Variants in CERT1 observed in about 807,000 individuals in gnomAD.
The protein encoded by CERT1 is ceramide transfer protein.
In CERT1, 31 loss-of-function variants were observed where a neutral mutation model predicts 87.9. That is an observed-to-expected ratio of 0.35 (90% confidence interval 0.27 to 0.48). The LOEUF (loss-of-function observed/expected upper bound fraction) is 0.48, where lower values mean the gene tolerates loss of function less well. Ranked by LOEUF, CERT1 falls within the 20% of genes least tolerant of loss-of-function variation. CERT1 has a pLI of 0.99. For synonymous variants in CERT1, 289 were observed against 250.9 expected, an observed-to-expected ratio of 1.15 and a Z score of -1.44; for missense variants, 487 against 758.0, an observed-to-expected ratio of 0.64 and a Z score of 4.20.
chr5:75,417,081 T>A, intron 6 of CERT1, 48 bp from the exon 7 acceptor site: 1 of 1,351,464 alleles, frequency 7.4e-7, no homozygotes, highest in Admixed American at 2.0e-5. Flanking sequence ...GAGGAAATAA[T>A]TCATCACAAT....
chr5:75,384,665 T>C lies in CERT1; in HGVS notation c.1465A>G (p.Ile489Val), dbSNP rs139096937. The change falls in exon 14 of 17, where the codon ATC (isoleucine) becomes GTC (valine). Residue 489 changes from isoleucine (I) to valine (V), a missense_variant. Transcript: ENST00000643780. ...HVVETLADNAIIIYQTHKRVW... is the reference protein window; with the variant it reads ...HVVETLADNAVIIYQTHKRVW... ...ACCTTGTGTGTTTGATAAATGATGA[T>C]TGCATTATCAGCTAATGTTTCCACC... The C allele has an allele frequency of 1.6e-4, 254 of 1,606,710 alleles. No individual in the cohort carries two copies. The highest frequency in any genetic ancestry group is 1.3e-3 in the East Asian group (59 of 44,742).
intron 2 of CERT1, among the ~76,000 whole-genome samples, chr5:75,501,667 G>T (rs1209367951): frequency 1.3e-5 from 2 of 152,110 alleles, no homozygotes; most frequent in African/African-American, 4.8e-5. Flanking sequence ...ATGCCCAGAA[G>T]AGAGTCCAGA....
chr5:75,435,509 T>C (rs1463344185), intron 3 of CERT1, among the ~76,000 whole-genome samples: 3 of 152,186 alleles, frequency 2.0e-5, no homozygotes, highest in African/African-American at 7.2e-5. Context: ...ACTTTTAGAG[T>C]TGCTAGACTT....
At chr5:75,400,501 T>C (rs1464311231) in intron 9 of CERT1, 2 of 503,294 alleles carry the variant, frequency 4.0e-6, no homozygotes, top group Non-Finnish European at 7.1e-6. Context: ...TCTTTCTGAC[T>C]CCACAGATAC....
chr5:75,464,454 G>A (rs937011042), intron 2 of CERT1, among the ~76,000 whole-genome samples: 4 of 152,160 alleles, frequency 2.6e-5, no homozygotes, highest in Non-Finnish European at 5.9e-5. Context: ...TGGGGGATGC[G>A]GGTGAAGGCA....
At chr5:75,387,433 T>A (rs1761838497) in intron 12 of CERT1, among the ~76,000 whole-genome samples, 1 of 152,086 alleles carries the variant, frequency 6.6e-6, no homozygotes, top group African/African-American at 2.4e-5. Flanking sequence ...CCCTATCAGC[T>A]TGATCTTCTT....
chr5:75,500,998 T>C (rs1349753190), intron 2 of CERT1, among the ~76,000 whole-genome samples: 3 of 151,832 alleles, frequency 2.0e-5, no homozygotes, highest in African/African-American at 4.8e-5. Flanking sequence ...TTTTTTGTTT[T>C]TTTTTTTTGA....
At chr5:75,430,978 T>C (rs1388379834) in intron 3 of CERT1, among the ~76,000 whole-genome samples, 1 of 152,152 alleles carries the variant, frequency 6.6e-6, no homozygotes, top group Non-Finnish European at 1.5e-5. Context: ...AAGTTCGAGA[T>C]AGCACTGAGC....
intron 2 of CERT1, among the ~76,000 whole-genome samples, chr5:75,485,828 A>G (rs1766496428): frequency 6.6e-6 from 1 of 152,188 alleles, no homozygotes; most frequent in South Asian, 2.1e-4. Flanking sequence ...TAAAACCTTA[A>G]GAGACCAATA....
At chr5:75,382,660 G>A (rs16872536) in intron 14 of CERT1, among the ~76,000 whole-genome samples, 174 of 151,032 alleles carry the variant, frequency 1.2e-3, no homozygotes, top group Middle Eastern at 3.4e-3. Flanking sequence ...CTTTAAATGA[G>A]AAAAAAAACC....
intron 3 of CERT1, among the ~76,000 whole-genome samples, chr5:75,428,555 G>GT: frequency 6.6e-6 from 1 of 151,992 alleles, no homozygotes; most frequent in East Asian, 1.9e-4. Flanking sequence ...GCGGGCGCCT[G>GT]TAGTCCCAGC....
At chr5:75,484,949 G>T (rs1239894814) in intron 2 of CERT1, among the ~76,000 whole-genome samples, 1 of 152,002 alleles carries the variant, frequency 6.6e-6, no homozygotes, top group African/African-American at 2.4e-5. Flanking sequence ...CACTCTCAAG[G>T]CCAGACCATA....
intron 2 of CERT1, among the ~76,000 whole-genome samples, chr5:75,463,992 T>G (rs1202429496): frequency 6.6e-6 from 1 of 152,132 alleles, no homozygotes; most frequent in African/African-American, 2.4e-5. Context: ...GGAGGCCTGA[T>G]GGTTGGCTTC....
rs1218469446 is a variant in CERT1, at chr5:75,379,370, A to G, written c.1851T>C (p.Thr617=). The G allele has an allele frequency of 6.2e-7, 1 of 1,613,708 alleles. No homozygotes were observed. The highest frequency in any genetic ancestry group is 1.3e-5 in the African/African-American group (1 of 75,050). The change falls in exon 17 of 17, where the codon ACT becomes ACC. Residue 617 remains threonine, a synonymous_variant. Transcript: ENST00000643780. The part of the protein sequence containing the change: ...KRFTSYVQEK[T]AGKPILF ...ACTAGAACAAAATAGGCTTTCCTGC[A>G]GTTTTTTCTTGGACGTAAGAAGTAA...
intron 3 of CERT1, among the ~76,000 whole-genome samples, chr5:75,432,990 C>T (rs752437194): frequency 2.0e-5 from 3 of 152,092 alleles, no homozygotes; most frequent in East Asian, 1.9e-4. Flanking sequence ...TCAACTTTTT[C>T]GAAGAACAGA....
In CERT1 at chr5:75,485,936, G is replaced by T. The variant is rs889391213; in HGVS notation, c.231+20046C>A. Among the ~76,000 whole-genome samples the T allele has an allele frequency of 6.6e-5, 10 of 152,122 alleles. No homozygotes were observed. The Middle Eastern group carries it at 0.01, about 155-fold the overall frequency. ...TGAACGTTACTGAACACCGAAGGAA[G>T]AACTAAACCAATCCTACTCAAACTA... On this transcript the variant is annotated intron_variant, in intron 2 of 16. Transcript: ENST00000643780.
chr5:75,449,942 G>C (rs776520278), intron 3 of CERT1, among the ~76,000 whole-genome samples: 8 of 151,822 alleles, frequency 5.3e-5, no homozygotes, highest in Non-Finnish European at 1.2e-4. Flanking sequence ...ATAATATCTT[G>C]TTAAGTTACA....
Position 75,489,162 on chromosome 5 carries a change from A to G in CERT1, c.231+16820T>C, listed in dbSNP as rs577976941. ...GCAATGAAGAAAGGATTCCATATTT[A>G]ATAAATGGTGTTGGGAAAACTGGCT... On this transcript the variant is annotated intron_variant, in intron 2 of 16. Transcript: ENST00000643780. Among the ~76,000 whole-genome samples, 9 of 152,348 alleles carry G rather than the reference A, an allele frequency of 5.9e-5. No individual in the cohort carries two copies. The South Asian group carries it at 1.7e-3, about 28-fold the overall frequency.
At chr5:75,380,589 C>G (rs1761530042) in intron 16 of CERT1, among the ~76,000 whole-genome samples, 1 of 151,904 alleles carries the variant, frequency 6.6e-6, no homozygotes, top group Non-Finnish European at 1.5e-5. Context: ...GAGTTCAAGA[C>G]CAGCCTGGCC....
Sources: gnomAD v4.1 joint callset for allele counts (sites outside exome capture counted in the v4.1 genomes callset) on GRCh38, gnomAD v4.1.1 for gene constraint, MANE v1.5 for transcripts, NCBI Gene and HGNC (gene_info 2026-07-23, HGNC 2026-07-21) for gene names.